Variants in RPL31 observed in about 807,000 individuals in gnomAD.
The protein encoded by RPL31 is large ribosomal subunit protein eL31.
For missense variants in RPL31, 95 were observed against 164.0 expected (o/e 0.58, Z 2.30); for synonymous variants, 51 against 55.0 (o/e 0.93, Z 0.32).
intron 1 of RPL31, 102 bp from the exon 2 acceptor site, chr2:101,002,600 G>A: frequency 1.0e-6 from 1 of 980,888 alleles, no homozygotes; most frequent in Non-Finnish European, 1.6e-6. Flanking sequence ...CAGACTCTCA[G>A]CACCTGGAAG....
chr2:101,010,967 T>G, downstream of RPL31: 1 of 1,613,172 alleles, frequency 6.2e-7, no homozygotes, highest in Non-Finnish European at 8.5e-7. Flanking sequence ...GTTTTATCTT[T>G]TTCTTTGGCT....
chr2:101,013,671 T>C (rs1164453259), intron 4 of RPL31, among the ~76,000 whole-genome samples: 1 of 152,216 alleles, frequency 6.6e-6, no homozygotes, highest in African/African-American at 2.4e-5. Context: ...ATGGTTTCTA[T>C]TTTCTATATC....
Position 101,006,447 on chromosome 2 carries a change from A to T in RPL31, c.*66A>T, listed in dbSNP as rs530356691. On this transcript the variant is annotated 3_prime_UTR_variant, in exon 5 of 5. Coordinates refer to ENST00000264258, the MANE Select transcript of RPL31 (RefSeq NM_000993.5). ...CATGTTTTTGTTCTTTTTAGTTGCA[A>T]CATAATGTACTTGTATACCCTATCC... 250 of 1,464,364 alleles carry T rather than the reference A, an allele frequency of 1.7e-4. 2 individuals are homozygous for T. The East Asian group carries it at 5.0e-3, about 29-fold the overall frequency. The allele number at this position is 1,464,364 out of a possible 1,614,324, so 90.7% of individuals were successfully genotyped here.
downstream of RPL31, among the ~76,000 whole-genome samples, chr2:101,010,406 T>C (rs1423177086): frequency 6.6e-6 from 1 of 152,206 alleles, no homozygotes; most frequent in East Asian, 1.9e-4. Context: ...ATGAATTTTA[T>C]ACAAAAACTC....
intron 1 of RPL31, 162 bp downstream of exon 1, chr2:101,002,477 A>G (rs2105347112): frequency 3.4e-6 from 2 of 581,770 alleles, no homozygotes; most frequent in Non-Finnish European, 6.2e-6. Context: ...AGCCTGAGGA[A>G]GAAAGTGACC....
chr2:101,011,236 G>A, downstream of RPL31: 1 of 684,308 alleles, frequency 1.5e-6, no homozygotes, highest in Middle Eastern at 4.1e-4. Flanking sequence ...CAGCAAACAG[G>A]AGGAAGGAAC....
chr2:101,005,644 A>G (rs1000408316), intron 3 of RPL31: 11 of 300,212 alleles, frequency 3.7e-5, no homozygotes, highest in South Asian at 5.1e-5. Flanking sequence ...ATCACGTAAC[A>G]AAGTTTCTGG....
chr2:101,004,066 C>G (rs1234584047), intron 2 of RPL31, 92 bp from the exon 3 acceptor site: 1 of 1,429,622 alleles, frequency 7.0e-7, no homozygotes, highest in East Asian at 2.3e-5. Context: ...AAGTCAGTTT[C>G]CAGGAGCCTA....
At chr2:101,003,438 A>C (rs1374224533) in intron 2 of RPL31, among the ~76,000 whole-genome samples, 1 of 151,896 alleles carries the variant, frequency 6.6e-6, no homozygotes, top group Non-Finnish European at 1.5e-5. Context: ...CCGCCACCAC[A>C]CCTGGCCCAC....
At chr2:101,006,274 C>A (rs368714653) in intron 4 of RPL31, 76 bp from the exon 5 acceptor site, 9 of 1,572,598 alleles carry the variant, frequency 5.7e-6, no homozygotes, top group Non-Finnish European at 7.7e-6. Flanking sequence ...TGCCCAGACC[C>A]GTCTACAAAA....
chr2:101,010,836 C>G, downstream of RPL31: 1 of 1,023,812 alleles, frequency 9.8e-7, no homozygotes, highest in Non-Finnish European at 1.4e-6. Context: ...GGGCTGAGAT[C>G]GCGCCACTGT....
chr2:101,012,204 TA>T (rs1679269394), downstream of RPL31, among the ~76,000 whole-genome samples: 1 of 152,226 alleles, frequency 6.6e-6, no homozygotes, highest in Non-Finnish European at 1.5e-5. Flanking sequence ...ATCTCACTTC[TA>T]CATATACACC....
At chr2:101,008,583 G>A (rs1573844380), downstream of RPL31, among the ~76,000 whole-genome samples, 1 of 152,130 alleles carries the variant, frequency 6.6e-6, no homozygotes, top group East Asian at 1.9e-4. Flanking sequence ...GGGAGGCCGA[G>A]GCAGGCGGAT....
intron 4 of RPL31, among the ~76,000 whole-genome samples, chr2:101,014,670 T>C (rs1679481762): frequency 6.6e-6 from 1 of 152,202 alleles, no homozygotes; most frequent in Admixed American, 6.5e-5. Context: ...CTTAGAGCAG[T>C]GTAAGCATCC....
At chr2:101,015,225 T>C (rs1288383316) in intron 4 of RPL31, among the ~76,000 whole-genome samples, 1 of 151,982 alleles carries the variant, frequency 6.6e-6, no homozygotes, top group Admixed American at 6.6e-5. Context: ...AAAGGTGCTA[T>C]AAAAATATGG....
chr2:101,002,587 G>A (rs1467562452), intron 1 of RPL31, 115 bp from the exon 2 acceptor site: 3 of 863,358 alleles, frequency 3.5e-6, no homozygotes, highest in African/African-American at 3.3e-5. Flanking sequence ...GACTTAGCCT[G>A]GCCAGACTCT....
At chr2:101,015,659 G>A (rs112071447) in intron 4 of RPL31, among the ~76,000 whole-genome samples, 8,024 of 152,114 alleles carry the variant, frequency 0.053, 719 homozygotes, top group African/African-American at 0.18. Context: ...ATCACGCTAC[G>A]TGACTTCAAA....
chr2:101,006,981 A>C lies in RPL31; in HGVS notation c.*600A>C, dbSNP rs1678770270. On this transcript the variant is annotated 3_prime_UTR_variant, in exon 5 of 5. Coordinates refer to ENST00000264258, the MANE Select transcript of RPL31 (RefSeq NM_000993.5). ...ATCAATAACAAAAATTTGTATTAAT[A>C]GTTCAGTCCTAAAGCAGTGTTGCTG... 1 of 152,296 alleles carries C rather than the reference A, an allele frequency of 6.6e-6. No individual in the cohort carries two copies. Among genetic ancestry groups the C allele is most frequent in the African/African-American group, 2.4e-5 (1 of 41,460 alleles). 9.4% of individuals were successfully genotyped at this position (152,296 alleles called of 1,614,324 possible).
rs78755258 is a variant in RPL31, at chr2:101,014,991, A to G, written c.347-4007A>G. 6.6e-4 allele frequency among the ~76,000 whole-genome samples: 94 copies of G among 142,870 alleles called. 1 individual carries two copies. The highest frequency in any genetic ancestry group is 2.3e-3 in the African/African-American group (89 of 37,964). The allele number at this position is 142,870 out of a possible 152,430, so 93.7% of individuals were successfully genotyped here. A position where few individuals can be genotyped will look rare whatever the true frequency, so the allele number is the denominator to read the frequency against. ...TATTATTTTATAGAGTCATGTGTCAATGAGAGGAATACGTTCTGAGAAATG... is the reference window on the plus strand; with the variant it reads ...TATTATTTTATAGAGTCATGTGTCAGTGAGAGGAATACGTTCTGAGAAATG... On this transcript the variant is annotated intron_variant, in intron 4 of 4. Transcript: ENST00000409028.
Sources: gnomAD v4.1 joint callset for allele counts (sites outside exome capture counted in the v4.1 genomes callset) on GRCh38, gnomAD v4.1.1 for gene constraint, MANE v1.5 for transcripts, NCBI Gene and HGNC (gene_info 2026-07-23, HGNC 2026-07-21) for gene names.